PTPRS: variants seen among roughly 807,000 people sequenced by gnomAD.
PTPRS encodes receptor-type tyrosine-protein phosphatase S.
Under a neutral mutation model 215.3 loss-of-function variants are expected in PTPRS, and 63 were observed. The observed-to-expected ratio is 0.29, with a 90% CI of 0.24 to 0.36. The LOEUF is 0.36. Ranked by LOEUF, PTPRS falls within the 10% of genes least tolerant of loss-of-function variation. The pLI is 1.00. For synonymous variants in PTPRS, 1,404 were observed against 1,191.4 expected, an observed-to-expected ratio of 1.18 and a Z score of -3.68; for missense variants, 2,258 against 2,825.8, an observed-to-expected ratio of 0.80 and a Z score of 4.56.
chr19:5,239,744 A>G (rs565598943), intron 12 of PTPRS, among the ~76,000 whole-genome samples: 1 of 152,198 alleles, frequency 6.6e-6, no homozygotes, highest in Non-Finnish European at 1.5e-5. Context: ...AGAGACAGAG[A>G]CAGAGAGACA....
In PTPRS at chr19:5,255,991, CGT is replaced by C. The variant is rs890077803; in HGVS notation, c.718+115_718+116del. On this transcript the variant is annotated intron_variant, in intron 9 of 37. Transcript: ENST00000262963. ...GTTGTTCATTTTTCTATTTTTTTTC[CGT>C]GTGTGTGTCAGCGTGTGTCCGTGTG... 74 of 686,102 alleles carry C rather than the reference CGT, an allele frequency of 1.1e-4. No homozygotes were observed. In the East Asian group the frequency reaches 2.2e-3, roughly 20 times the overall value. 42.5% of individuals were successfully genotyped at this position (686,102 alleles called of 1,614,324 possible). A position where few individuals can be genotyped will look rare whatever the true frequency, so the allele number is the denominator to read the frequency against.
At chr19:5,284,530 G>C (rs566329865) in intron 2 of PTPRS, among the ~76,000 whole-genome samples, 10 of 152,176 alleles carry the variant, frequency 6.6e-5, no homozygotes, top group Admixed American at 5.2e-4. Context: ...TGGCTCTGTT[G>C]CCCAGGCTGA....
intron 16 of PTPRS, among the ~76,000 whole-genome samples, chr19:5,227,605 T>C (rs1188062576): frequency 6.6e-6 from 1 of 151,096 alleles, no homozygotes; most frequent in Non-Finnish European, 1.5e-5. Context: ...AGACAGGGTT[T>C]CACCATGTTG....
intron 30 of PTPRS, 65 bp from the exon 31 acceptor site, chr19:5,212,556 C>T: frequency 6.6e-7 from 1 of 1,519,950 alleles, no homozygotes; most frequent in Non-Finnish European, 8.9e-7. Context: ...CTGAAGATGC[C>T]CAAGTGGCCG....
chr19:5,260,870 T>TGGGGGGCC (rs2045939806), intron 6 of PTPRS, 48 bp from the exon 7 acceptor site: 2 of 1,457,746 alleles, frequency 1.4e-6, no homozygotes, highest in African/African-American at 2.5e-5. Context: ...AGGCGGTTGT[T>TGGGGGGCC]GGGGGGCCGG....
chr19:5,213,837 T>C (rs1370002456), intron 30 of PTPRS, among the ~76,000 whole-genome samples: 1 of 152,230 alleles, frequency 6.6e-6, no homozygotes, highest in Non-Finnish European at 1.5e-5. Flanking sequence ...GTCTCCTGGA[T>C]GGCAGAATTG....
chr19:5,211,809 G>A lies in PTPRS; in HGVS notation c.5056-41C>T. The A allele has an allele frequency of 3.1e-6, 5 of 1,603,180 alleles. No individual in the cohort carries two copies. The South Asian group carries it at 5.5e-5, about 18-fold the overall frequency. Reference sequence around the variant, plus strand: ...AGCCAGAGGCCACCATCAGGATGAGGAAGGCTATGCTTTCAGCTGGAGCAC... The same window carrying A: ...AGCCAGAGGCCACCATCAGGATGAGAAAGGCTATGCTTTCAGCTGGAGCAC... On this transcript the variant is annotated intron_variant, in intron 32 of 37. Transcript: ENST00000262963.
intron 7 of PTPRS, among the ~76,000 whole-genome samples, chr19:5,259,408 T>TC (rs2045815510): frequency 1.3e-5 from 2 of 152,120 alleles, no homozygotes; most frequent in Admixed American, 1.3e-4. Context: ...GGCCAAGATT[T>TC]CCCCAAAGAT....
intron 1 of PTPRS, among the ~76,000 whole-genome samples, chr19:5,314,963 A>G (rs2049825452): frequency 1.3e-5 from 2 of 152,318 alleles, no homozygotes; most frequent in East Asian, 1.9e-4. Context: ...CACCAACTGA[A>G]TATCTACCAT....
chr19:5,263,052 GAGGA>G, intron 5 of PTPRS, 80 bp from the exon 6 acceptor site: 1 of 698,026 alleles, frequency 1.4e-6, no homozygotes, highest in South Asian at 1.9e-5. Context: ...TGTCCTCAGC[GAGGA>G]GGGGAGGGCG....
Position 5,229,677 on chromosome 19 carries a change from G to C in PTPRS, c.2163C>G (p.Ser721Arg). 1 of 1,267,588 alleles carries C rather than the reference G, an allele frequency of 7.9e-7. No individual in the cohort carries two copies. The highest frequency in any genetic ancestry group is 9.9e-7 in the Non-Finnish European group (1 of 1,010,886). The allele number at this position is 1,267,588 out of a possible 1,614,324, so 78.5% of individuals were successfully genotyped here. ...CCGCCTCCACCTTCCGCGGCGGCGC[G>C]CTGGGCACTGGCGGGCGGGAGGGGA... is the stretch of plus-strand genomic sequence containing the variant. ...VVVRTDEDVP[S>R]APPRKVEAEA... Residue 721 changes from serine to arginine, a missense_variant, in exon 15 of 38, where the codon AGC becomes AGG. This residue lies in a region of PTPRS where 371 missense variants were observed against 446.7 expected (regional missense o/e 0.83). Transcript: ENST00000262963.
At chr19:5,308,838 G>A (rs764294858) in intron 1 of PTPRS, among the ~76,000 whole-genome samples, 2 of 152,228 alleles carry the variant, frequency 1.3e-5, no homozygotes, top group African/African-American at 4.8e-5. Flanking sequence ...CTGGCCAAGC[G>A]CAAGTGGTTC....
intron 1 of PTPRS, among the ~76,000 whole-genome samples, chr19:5,306,021 C>T (rs1188486938): frequency 7.3e-6 from 1 of 136,956 alleles, no homozygotes; most frequent in Non-Finnish European, 1.5e-5. Flanking sequence ...ACAATAGGTA[C>T]AAATACTTGA....
rs568103230 is a variant in PTPRS at position 5,217,971 on chromosome 19, G to A, written c.4048+449C>T. On this transcript the variant is annotated intron_variant, in intron 25 of 37. Coordinates refer to ENST00000262963, the MANE Select transcript of PTPRS (RefSeq NM_002850.4). ...TGGTGGGAAGAGGTACAGGGCATTG[G>A]GCAGGTATAATTTCTGTACCTTGCT... Among the ~76,000 whole-genome samples, 15 of 152,156 alleles carry A rather than the reference G, an allele frequency of 9.9e-5. No individual in the cohort carries two copies. The South Asian group carries it at 3.1e-3, about 32-fold the overall frequency.
chr19:5,210,859 C>G lies in PTPRS; in HGVS notation c.5235-54G>C. On this transcript the variant is annotated intron_variant, in intron 33 of 37. Transcript: ENST00000262963. This position sits in a 1 kb window ranked among gnomAD's most constrained non-coding sequence, Gnocchi z 4.5. ...GCCGGCAGGGAGACCCGGCGTGGTACTCACCTGATGCTGCCCGGGAGGGTC... is the reference window on the plus strand; with the variant it reads ...GCCGGCAGGGAGACCCGGCGTGGTAGTCACCTGATGCTGCCCGGGAGGGTC... 3 of 1,585,740 alleles carry G rather than the reference C, an allele frequency of 1.9e-6. No homozygotes were observed. Among genetic ancestry groups the G allele is most frequent in the Non-Finnish European group, 2.6e-6 (3 of 1,169,536 alleles).
intron 2 of PTPRS, among the ~76,000 whole-genome samples, chr19:5,280,248 G>A (rs1355227614): frequency 2.0e-5 from 3 of 152,190 alleles, no homozygotes; most frequent in African/African-American, 7.2e-5. Context: ...AAGAAGGCCC[G>A]AGGTTCCAAG....
intron 4 of PTPRS, among the ~76,000 whole-genome samples, chr19:5,266,238 GAC>G (rs961946972): frequency 6.6e-6 from 1 of 150,618 alleles, no homozygotes; most frequent in African/African-American, 2.4e-5. Context: ...TAGCCTGGGC[GAC>G]AGAGTGAGAC....
In PTPRS at chr19:5,294,162, C is replaced by G. The variant is rs1307490134; in HGVS notation, c.-94-7928G>C. 1 of 152,304 alleles carries G rather than the reference C, an allele frequency of 6.6e-6. No homozygotes were observed. The highest frequency in any genetic ancestry group is 1.5e-5 in the Non-Finnish European group (1 of 68,084). The allele number at this position is 152,304 out of a possible 1,614,324, so 9.4% of individuals were successfully genotyped here. A position where few individuals can be genotyped will look rare whatever the true frequency, so the allele number is the denominator to read the frequency against. ...CTCTTCCCAGCATTCGCGCTGAGGA[C>G]GAAGCCCGAACGCCAACGCCAACGG... On this transcript the variant is annotated intron_variant, in intron 1 of 37. Coordinates refer to ENST00000262963, the MANE Select transcript of PTPRS (RefSeq NM_002850.4). The surrounding 1 kb of genome is among the most constrained non-coding windows in gnomAD (Gnocchi z 5.1).
At chr19:5,311,476 C>T (rs2049700289) in intron 1 of PTPRS, among the ~76,000 whole-genome samples, 1 of 152,160 alleles carries the variant, frequency 6.6e-6, no homozygotes, top group Non-Finnish European at 1.5e-5. Flanking sequence ...CAGCAGGGTC[C>T]TGGGCCCAGA....
Sources: allele counts gnomAD v4.1 joint callset (sites outside exome capture counted in the v4.1 genomes callset), GRCh38; gene constraint gnomAD v4.1.1; regional missense constraint gnomAD v4.1.1; non-coding constraint Gnocchi (gnomAD v3.1); transcripts MANE v1.5; gene names NCBI Gene and HGNC (gene_info 2026-07-23, HGNC 2026-07-21).